The following PTK2B variants were observed in gnomAD, a reference collection of about 807,000 sequenced individuals.
The protein encoded by PTK2B is protein tyrosine kinase 2 beta.
Under a neutral mutation model 142.9 loss-of-function variants are expected in PTK2B, and 71 were observed. The observed-to-expected ratio is 0.50, with a 90% CI of 0.41 to 0.61. The LOEUF (loss-of-function observed/expected upper bound fraction) is 0.61, where lower values mean the gene tolerates loss of function less well. Ranked by LOEUF, PTK2B falls within the 20% of genes least tolerant of loss-of-function variation. PTK2B has a pLI of 0.00. For missense variants in PTK2B, 1,105 were observed against 1,320.4 expected (o/e 0.84, Z 2.53); for synonymous variants, 519 against 503.4 (o/e 1.03, Z -0.42).
rs549564551 is a variant in PTK2B at position 27,381,512 on chromosome 8, A to G, written c.-37-16036A>G. On this transcript the variant is annotated intron_variant, in intron 1 of 30. Transcript: ENST00000346049. ...CATCCATGTTGTTGTGAATGACAAG[A>G]TTTTATTCTTTTTCATGGCTAAATA... is the stretch of plus-strand genomic sequence containing the variant. 2.6e-4 allele frequency among the ~76,000 whole-genome samples: 40 copies of G among 152,240 alleles called. No homozygotes were observed. In the South Asian group the frequency reaches 8.1e-3, roughly 31 times the overall value.
intron 1 of PTK2B, among the ~76,000 whole-genome samples, chr8:27,374,485 C>A (rs1806548211): frequency 6.6e-6 from 1 of 152,166 alleles, no homozygotes; most frequent in Admixed American, 6.5e-5. Context: ...TAAGCAGGAG[C>A]ATTTATTGTG....
chr8:27,414,108 T>C (rs1237467304), intron 2 of PTK2B, among the ~76,000 whole-genome samples: 2 of 152,224 alleles, frequency 1.3e-5, no homozygotes, highest in African/African-American at 2.4e-5. Flanking sequence ...AAAATAACGT[T>C]CCAGGCACAT....
chr8:27,324,739 G>A (rs1050615108), upstream of PTK2B, among the ~76,000 whole-genome samples: 2 of 152,202 alleles, frequency 1.3e-5, no homozygotes, highest in African/African-American at 4.8e-5. Flanking sequence ...AGAGGACATT[G>A]TAGGATGAGG....
At chr8:27,322,665 A>C (rs183175648), upstream of PTK2B, 1 of 152,354 alleles carries the variant, frequency 6.6e-6, no homozygotes, top group East Asian at 1.9e-4. Flanking sequence ...CTACTTTTCT[A>C]GATTAGGAAA....
chr8:27,369,217 C>CA (rs1434495287), intron 1 of PTK2B, among the ~76,000 whole-genome samples: 1 of 152,174 alleles, frequency 6.6e-6, no homozygotes, highest in Non-Finnish European at 1.5e-5. Flanking sequence ...CCTCCACACC[C>CA]CCTGCCCTAC....
Position 27,442,959 on chromosome 8 carries a change from A to G in PTK2B, c.2124A>G (p.Thr708=). The G allele has an allele frequency of 1.2e-6, 2 of 1,614,082 alleles. No individual in the cohort carries two copies. Among genetic ancestry groups the G allele is most frequent in the Non-Finnish European group, 1.7e-6 (2 of 1,179,944 alleles). Reference sequence around the variant, plus strand: ...GAACCCCCAAAATCTTGGAGCCCACAGCCTTCCAGGAACCCCCACCCAAGG... The same window carrying G: ...GAACCCCCAAAATCTTGGAGCCCACGGCCTTCCAGGAACCCCCACCCAAGG... ...RYRTPKILEP[T]AFQEPPPKPS... is the part of the protein sequence containing the mutation. Residue 708 remains threonine, a synonymous_variant, in exon 22 of 31, where the codon ACA becomes ACG. Coordinates refer to ENST00000346049, the MANE Select transcript of PTK2B (RefSeq NM_173176.3).
intron 1 of PTK2B, among the ~76,000 whole-genome samples, chr8:27,370,009 A>T (rs902028919): frequency 2.0e-5 from 3 of 152,198 alleles, no homozygotes; most frequent in African/African-American, 4.8e-5. Flanking sequence ...GTCAGAGATT[A>T]TCAGAGCTGG....
intron 2 of PTK2B, among the ~76,000 whole-genome samples, chr8:27,418,526 CTCT>C (rs1242754108): frequency 6.6e-6 from 1 of 152,184 alleles, no homozygotes; most frequent in Non-Finnish European, 1.5e-5. Context: ...AATGCCCCTC[CTCT>C]TTTTGGTTTG....
intron 1 of PTK2B, among the ~76,000 whole-genome samples, chr8:27,349,296 C>T (rs1275300477): frequency 6.6e-6 from 1 of 152,144 alleles, no homozygotes; most frequent in African/African-American, 2.4e-5. Flanking sequence ...TCTTTAACCT[C>T]TTTAAGTCTT....
At chr8:27,442,278 T>G (rs1231727728) in intron 21 of PTK2B, among the ~76,000 whole-genome samples, 1 of 152,208 alleles carries the variant, frequency 6.6e-6, no homozygotes, top group Admixed American at 6.5e-5. Context: ...TATATAATAC[T>G]TGCTACCCAT....
chr8:27,404,256 C>T (rs1308389819), intron 2 of PTK2B, among the ~76,000 whole-genome samples: 2 of 152,162 alleles, frequency 1.3e-5, no homozygotes, highest in Admixed American at 6.5e-5. Context: ...TTCATGTGCT[C>T]ATCTCTGCCT....
rs76098325 is a variant in PTK2B at position 27,342,825 on chromosome 8, C to T, written c.-38+17144C>T. On this transcript the variant is annotated intron_variant, in intron 1 of 30. Transcript: ENST00000346049. ...ATGGAGTCCTGGCTCCTTTATCCCC[C>T]CTCAGTGGGTCACATAGAAGATGTA... 8.4e-3 allele frequency among the ~76,000 whole-genome samples: 1,279 copies of T among 152,326 alleles called. 18 individuals carry two copies. The highest frequency in any genetic ancestry group is 0.029 in the African/African-American group (1,213 of 41,568).
chr8:27,454,703 C>G, intron 30 of PTK2B, 92 bp downstream of exon 30: 1 of 1,334,512 alleles, frequency 7.5e-7, no homozygotes, highest in Non-Finnish European at 1.1e-6. Context: ...CCTGGGCAAC[C>G]TCATGTCTGT....
chr8:27,357,491 G>A (rs902497957), intron 1 of PTK2B, among the ~76,000 whole-genome samples: 2 of 152,234 alleles, frequency 1.3e-5, no homozygotes, highest in South Asian at 4.1e-4. Context: ...AATCTCCAGT[G>A]CAGGGGGCCA....
In PTK2B at chr8:27,445,931, C is replaced by G; in HGVS notation, c.2340+12C>G. On this transcript the variant is annotated intron_variant, in intron 24 of 30. Coordinates refer to ENST00000346049, the MANE Select transcript of PTK2B (RefSeq NM_173176.3). ...GCCACAGCATGCGGGTAAGAGGGCT[C>G]TGCATGCTGGTCCCTGCCCGGACTG... The G allele has an allele frequency of 6.2e-7, 1 of 1,612,884 alleles. No homozygotes were observed. The highest frequency in any genetic ancestry group is 8.5e-7 in the Non-Finnish European group (1 of 1,180,036).
intron 3 of PTK2B, among the ~76,000 whole-genome samples, chr8:27,318,383 G>A (rs1173957428): frequency 2.0e-5 from 3 of 152,214 alleles, no homozygotes; most frequent in Non-Finnish European, 4.4e-5. Flanking sequence ...TCCATGGGAT[G>A]TTGGGGACCA....
intron 1 of PTK2B, among the ~76,000 whole-genome samples, chr8:27,377,151 G>A (rs1415474769): frequency 6.6e-6 from 1 of 152,130 alleles, no homozygotes; most frequent in Non-Finnish European, 1.5e-5. Context: ...TCCTAGGAAA[G>A]ACCTCTTTGG....
intron 23 of PTK2B, 88 bp downstream of exon 23, chr8:27,444,359 G>A (rs1025151400): frequency 6.8e-7 from 1 of 1,461,034 alleles, no homozygotes; most frequent in East Asian, 2.3e-5. Flanking sequence ...AGGAGCAGCA[G>A]TCACCCACTT....
At chr8:27,339,138 G>T (rs956414503) in intron 1 of PTK2B, among the ~76,000 whole-genome samples, 4 of 152,222 alleles carry the variant, frequency 2.6e-5, no homozygotes, top group African/African-American at 9.6e-5. Context: ...CTAAGGCTGC[G>T]CAGGGTCCTG....
Sources: gnomAD v4.1 joint callset for allele counts (sites outside exome capture counted in the v4.1 genomes callset) on GRCh38, gnomAD v4.1.1 for gene constraint, MANE v1.5 for transcripts, NCBI Gene and HGNC (gene_info 2026-07-23, HGNC 2026-07-21) for gene names.